Variants in CSMD3 observed in about 807,000 individuals in gnomAD.
CSMD3 encodes the protein CUB and Sushi multiple domains 3.
CSMD3 carries 177 observed loss-of-function variants against 435.2 expected under a neutral mutation model. That is an observed-to-expected ratio of 0.41 (90% CI 0.36 to 0.46). The LOEUF is 0.46. Ranked by LOEUF, CSMD3 falls within the 20% of genes least tolerant of loss-of-function variation. The probability of loss-of-function intolerance (pLI) is 0.34; values close to 1 mark genes in which losing one functional copy is unlikely to be tolerated. For synonymous variants in CSMD3, 1,656 were observed against 1,520.5 expected (o/e 1.09, Z -2.07); for missense variants, 4,265 against 4,504.6 (o/e 0.95, Z 1.52).
intron 53 of CSMD3, among the ~76,000 whole-genome samples, chr8:112,296,506 C>T (rs1285405346): frequency 7.3e-5 from 11 of 150,782 alleles, no homozygotes; most frequent in African/African-American, 2.7e-4. Context: ...GCGCAGATCG[C>T]GCCACCGCAC....
At position 113,145,538 on chromosome 8, in the gene CSMD3, C is replaced by T. The variant is rs528828020; in HGVS notation, c.709+28184G>A. Among the ~76,000 whole-genome samples the T allele has an allele frequency of 8.6e-5, 13 of 151,472 alleles. No homozygotes were observed. The South Asian group carries it at 1.5e-3, about 17-fold the overall frequency. On this transcript the variant is annotated intron_variant, in intron 4 of 70. Coordinates refer to ENST00000297405, the MANE Select transcript of CSMD3 (RefSeq NM_198123.2). The stretch of plus-strand genomic sequence containing the variant: ...TTGTCATGTATCATAATTGTAAAGA[C>T]GTATTTTGCACTAAAATATAAATTG...
intron 13 of CSMD3, among the ~76,000 whole-genome samples, chr8:112,784,033 A>G (rs1015345489): frequency 6.6e-6 from 1 of 152,096 alleles, no homozygotes; most frequent in Non-Finnish European, 1.5e-5. Flanking sequence ...CAGACAAGTT[A>G]TCCAGATAGA....
chr8:112,730,958 T>C (rs1206480187), intron 13 of CSMD3, among the ~76,000 whole-genome samples: 2 of 152,110 alleles, frequency 1.3e-5, no homozygotes, highest in Non-Finnish European at 2.9e-5. Flanking sequence ...AGGAAATGTA[T>C]GCAAAGAATG....
At chr8:113,038,762 T>A (rs866522727) in intron 5 of CSMD3, among the ~76,000 whole-genome samples, 1 of 152,136 alleles carries the variant, frequency 6.6e-6, no homozygotes, top group Non-Finnish European at 1.5e-5. Flanking sequence ...GACCATAATA[T>A]AAAATCCCTC....
intron 1 of CSMD3, among the ~76,000 whole-genome samples, chr8:113,422,075 T>C (rs941936270): frequency 6.6e-6 from 1 of 152,196 alleles, no homozygotes; most frequent in Admixed American, 6.5e-5. Context: ...AATCGTTTAC[T>C]AATCCTAAAA....
chr8:112,372,100 C>T (rs905320609), intron 38 of CSMD3, among the ~76,000 whole-genome samples: 1 of 151,802 alleles, frequency 6.6e-6, no homozygotes, highest in East Asian at 1.9e-4. Flanking sequence ...TAAAAATAAT[C>T]CATACACACA....
At chr8:113,400,040 G>C (rs1197551171) in intron 1 of CSMD3, among the ~76,000 whole-genome samples, 1 of 151,750 alleles carries the variant, frequency 6.6e-6, no homozygotes, top group Non-Finnish European at 1.5e-5. Flanking sequence ...TGGTGACAGA[G>C]TCTTAGCTTT....
intron 12 of CSMD3, among the ~76,000 whole-genome samples, chr8:112,812,864 T>TA (rs2079266213): frequency 6.6e-6 from 1 of 152,180 alleles, no homozygotes; most frequent in Non-Finnish European, 1.5e-5. Context: ...CGCTCAAAAA[T>TA]ATTTTTCAAG....
chr8:112,449,958 A>C (rs1011316597), intron 32 of CSMD3, among the ~76,000 whole-genome samples: 4 of 152,242 alleles, frequency 2.6e-5, no homozygotes, highest in Non-Finnish European at 4.4e-5. Context: ...TCCTGACCTC[A>C]GCTTATCCAC....
chr8:112,389,739 A>T, intron 36 of CSMD3, among the ~76,000 whole-genome samples: 1 of 152,202 alleles, frequency 6.6e-6, no homozygotes. Context: ...CTACAAATCA[A>T]TTAGAGAAGT....
In CSMD3 at chr8:113,153,130, A is replaced by AGAGAAGGAAGGAAGGAAGGAAGGAAG. The variant is rs2091858997; in HGVS notation, c.709+20591_709+20592insCTTCCTTCCTTCCTTCCTTCCTTCTC. ...GAAAGAAAGAAAGAAAGAAAGAGAA[A>AGAGAAGGAAGGAAGGAAGGAAGGAAG]GAAGGAAGGAAGGAAGGAAGGAAGG... is the stretch of plus-strand genomic sequence containing the variant. On this transcript the variant is annotated intron_variant, in intron 4 of 70. Transcript: ENST00000297405. 6.0e-5 allele frequency among the ~76,000 whole-genome samples: 5 copies of AGAGAAGGAAGGAAGGAAGGAAGGAAG among 82,762 alleles called. No individual in the cohort carries two copies. In the East Asian group the frequency reaches 2.0e-3, roughly 33 times the overall value. 54.3% of individuals were successfully genotyped at this position (82,762 alleles called of 152,430 possible).
chr8:112,880,784 C>A (rs1338199358), intron 10 of CSMD3, among the ~76,000 whole-genome samples: 1 of 151,886 alleles, frequency 6.6e-6, no homozygotes, highest in Non-Finnish European at 1.5e-5. Context: ...ACTTGACTTA[C>A]CTATGTCTAG....
intron 17 of CSMD3, among the ~76,000 whole-genome samples, chr8:112,662,544 A>C (rs2075411795): frequency 6.6e-6 from 1 of 152,148 alleles, no homozygotes; most frequent in South Asian, 2.1e-4. Context: ...AAAGACTTAA[A>C]TGTTAGACCT....
Position 112,287,048 on chromosome 8 carries a change from T to G in CSMD3, c.9331+16A>C. 1 of 1,607,078 alleles carries G rather than the reference T, an allele frequency of 6.2e-7. No homozygotes were observed. ...ATCCAGTAGTTGCAATATATTTAAT[T>G]TCTGCTTGAGATTACCTTTGCACTC... On this transcript the variant is annotated intron_variant, in intron 58 of 70. Coordinates refer to ENST00000297405, the MANE Select transcript of CSMD3 (RefSeq NM_198123.2).
At chr8:113,084,594 T>G (rs1241210684) in intron 5 of CSMD3, among the ~76,000 whole-genome samples, 1 of 57,050 alleles carries the variant, frequency 1.8e-5, no homozygotes, top group African/African-American at 7.2e-5. Context: ...ATAAAAAATA[T>G]AAAAAAATTC....
chr8:112,924,537 A>T (rs1237628201), intron 9 of CSMD3, among the ~76,000 whole-genome samples: 3 of 152,032 alleles, frequency 2.0e-5, no homozygotes, highest in African/African-American at 7.2e-5. Context: ...TGTTTAAGTG[A>T]TAGGAGTTTG....
At chr8:112,330,012 C>T (rs569082749) in intron 45 of CSMD3, among the ~76,000 whole-genome samples, 1 of 152,156 alleles carries the variant, frequency 6.6e-6, no homozygotes, top group South Asian at 2.1e-4. Flanking sequence ...TAATAAAACA[C>T]TTTACGGGTT....
At chr8:112,678,129 C>T (rs1346453746) in intron 16 of CSMD3, among the ~76,000 whole-genome samples, 1 of 152,158 alleles carries the variant, frequency 6.6e-6, no homozygotes, top group Non-Finnish European at 1.5e-5. Context: ...TAATTCATTT[C>T]TGTTACTTCC....
chr8:113,163,533 A>G (rs12541208), intron 4 of CSMD3, among the ~76,000 whole-genome samples: 51,435 of 151,506 alleles, frequency 0.34, 9,549 homozygotes, highest in East Asian at 0.69. Context: ...ATGTGAAAAT[A>G]TATAAAGAAA....
Sources: allele counts gnomAD v4.1 joint callset (sites outside exome capture counted in the v4.1 genomes callset), GRCh38; gene constraint gnomAD v4.1.1; transcripts MANE v1.5; gene names NCBI Gene and HGNC (gene_info 2026-07-23, HGNC 2026-07-21).